PLPPR5: variants seen among roughly 807,000 people sequenced by gnomAD.
The protein encoded by PLPPR5 is phospholipid phosphatase-related protein type 5.
PLPPR5 carries 16 observed loss-of-function variants against 33.9 expected under a neutral mutation model. The ratio of observed to expected loss-of-function variants is 0.47; its 90% confidence interval spans 0.32 to 0.72. The LOEUF is 0.72. Ranked by LOEUF, PLPPR5 falls within the 30% of genes least tolerant of loss-of-function variation. PLPPR5 has a pLI of 0.03. For missense variants in PLPPR5, 301 were observed against 406.7 expected (o/e 0.74, Z 2.23); for synonymous variants, 163 against 150.3 (o/e 1.08, Z -0.62).
intron 4 of PLPPR5, among the ~76,000 whole-genome samples, chr1:98,915,285 G>A (rs1649302324): frequency 6.6e-6 from 1 of 151,914 alleles, no homozygotes; most frequent in Non-Finnish European, 1.5e-5. Context: ...TCCTAATATG[G>A]CTATTCTACA....
chr1:98,985,429 A>G (rs1167087348), intron 1 of PLPPR5, among the ~76,000 whole-genome samples: 3 of 152,062 alleles, frequency 2.0e-5, no homozygotes, highest in African/African-American at 7.2e-5. Context: ...AAAATTCCTT[A>G]GTGATATTAT....
intron 1 of PLPPR5, among the ~76,000 whole-genome samples, chr1:98,989,238 T>C (rs1024284317): frequency 6.6e-6 from 1 of 152,128 alleles, no homozygotes; most frequent in Admixed American, 6.6e-5. Flanking sequence ...TTTTAGTTGG[T>C]TTGGTTCATG....
intron 1 of PLPPR5, among the ~76,000 whole-genome samples, chr1:98,979,841 A>C (rs1651993875): frequency 6.6e-6 from 1 of 151,974 alleles, no homozygotes; most frequent in African/African-American, 2.4e-5. Context: ...CAAATTCACC[A>C]CATCTTTGCT....
chr1:98,965,374 C>T (rs1235283045), intron 1 of PLPPR5, among the ~76,000 whole-genome samples: 3 of 140,342 alleles, frequency 2.1e-5, no homozygotes, highest in Middle Eastern at 4.0e-3. Context: ...TGAAGCTCCT[C>T]GAATCTTGCC....
chr1:98,958,189 G>A (rs1651088089), intron 1 of PLPPR5, among the ~76,000 whole-genome samples: 1 of 152,142 alleles, frequency 6.6e-6, no homozygotes, highest in Non-Finnish European at 1.5e-5. Context: ...TGCTATACAG[G>A]GAGTCCCTGA....
chr1:98,956,814 A>T, intron 1 of PLPPR5, 73 bp from the exon 2 acceptor site: 1 of 1,186,444 alleles, frequency 8.4e-7, no homozygotes, highest in Non-Finnish European at 1.1e-6. Flanking sequence ...TTATTTTAAA[A>T]ATGTAAAATG....
chr1:98,939,959 G>A (rs761372201), intron 3 of PLPPR5, among the ~76,000 whole-genome samples: 3 of 151,850 alleles, frequency 2.0e-5, no homozygotes, highest in South Asian at 2.1e-4. Context: ...TAATTTTGAC[G>A]GGTGATTATG....
intron 2 of PLPPR5, among the ~76,000 whole-genome samples, chr1:98,955,069 C>G (rs1401697706): frequency 6.6e-6 from 1 of 151,882 alleles, no homozygotes; most frequent in African/African-American, 2.4e-5. Context: ...CTACACTTAC[C>G]TAAAGTGCTT....
chr1:99,003,859 T>C (rs1313932585), intron 1 of PLPPR5, among the ~76,000 whole-genome samples: 1 of 152,220 alleles, frequency 6.6e-6, no homozygotes, highest in Non-Finnish European at 1.5e-5. Flanking sequence ...CCTCTTCATT[T>C]AGAAATTCTC....
chr1:98,984,847 T>A (rs1414135250), intron 1 of PLPPR5, among the ~76,000 whole-genome samples: 4 of 152,100 alleles, frequency 2.6e-5, no homozygotes, highest in Non-Finnish European at 2.9e-5. Context: ...TTTGATCTAT[T>A]TGTTAATAGG....
intron 4 of PLPPR5, 21 bp downstream of exon 4, chr1:98,921,861 T>G: frequency 6.3e-7 from 1 of 1,582,644 alleles, no homozygotes; most frequent in African/African-American, 1.4e-5. Flanking sequence ...CCCAATGATA[T>G]ATAAATAAAT....
At chr1:98,973,952 C>T (rs897465635) in intron 1 of PLPPR5, among the ~76,000 whole-genome samples, 1 of 151,762 alleles carries the variant, frequency 6.6e-6, no homozygotes, top group African/African-American at 2.4e-5. Flanking sequence ...AAAAAGGCAG[C>T]GGAGACTGGA....
chr1:98,992,359 T>C (rs1047146712), intron 1 of PLPPR5, among the ~76,000 whole-genome samples: 5 of 152,160 alleles, frequency 3.3e-5, no homozygotes, highest in African/African-American at 1.2e-4. Context: ...AATATAAATA[T>C]ATAAATGTCT....
At position 98,914,380 on chromosome 1, in the gene PLPPR5, G is replaced by T. The variant is rs112363938; in HGVS notation, c.933+406C>A. The stretch of plus-strand genomic sequence containing the variant: ...GGCTCATTGCAACCTTTTCCTCCAG[G>T]TTCAAGTGATTCTGGTGCCTCAGCC... On this transcript the variant is annotated intron_variant, in intron 5 of 5. Coordinates refer to ENST00000263177, the MANE Select transcript of PLPPR5 (RefSeq NM_001037317.2). Among the ~76,000 whole-genome samples, 613 of 152,228 alleles carry T rather than the reference G, an allele frequency of 4.0e-3. 4 individuals are homozygous for T. Among genetic ancestry groups the T allele is most frequent in the African/African-American group, 0.014 (586 of 41,562 alleles).
chr1:98,935,127 A>T (rs1234637272), intron 3 of PLPPR5, among the ~76,000 whole-genome samples: 1 of 152,146 alleles, frequency 6.6e-6, no homozygotes, highest in Non-Finnish European at 1.5e-5. Context: ...TGCAAAATGA[A>T]AATGAATGAC....
At chr1:98,899,608 T>G (rs1222785828) in intron 5 of PLPPR5, among the ~76,000 whole-genome samples, 1 of 151,836 alleles carries the variant, frequency 6.6e-6, no homozygotes, top group African/African-American at 2.4e-5. Context: ...AGTTACACAA[T>G]GCATAAAAGT....
rs11808083 is a variant in PLPPR5, at chr1:98,990,617, A to C, written c.237+13818T>G. Among the ~76,000 whole-genome samples, 400 of 152,314 alleles carry C rather than the reference A, an allele frequency of 2.6e-3. 1 individual carries two copies. The highest frequency in any genetic ancestry group is 9.2e-3 in the African/African-American group (382 of 41,586). On this transcript the variant is annotated intron_variant, in intron 1 of 5. Coordinates refer to ENST00000263177, the MANE Select transcript of PLPPR5 (RefSeq NM_001037317.2). ...AGATTTATTTTGGACTGTCTTATACAGCTTTGATTAAACAAAAAATGAAAT... is the reference window on the plus strand; with the variant it reads ...AGATTTATTTTGGACTGTCTTATACCGCTTTGATTAAACAAAAAATGAAAT...
chr1:98,992,565 T>C (rs1159040035), intron 1 of PLPPR5, among the ~76,000 whole-genome samples: 1 of 152,156 alleles, frequency 6.6e-6, no homozygotes, highest in Non-Finnish European at 1.5e-5. Context: ...TATCCACTTG[T>C]AGCAAGTTTC....
chr1:98,982,032 C>G (rs1557692463), intron 1 of PLPPR5, among the ~76,000 whole-genome samples: 1 of 151,970 alleles, frequency 6.6e-6, no homozygotes, highest in Non-Finnish European at 1.5e-5. Context: ...AAAAATAGTT[C>G]CATGTATTGA....
Sources: allele counts gnomAD v4.1 joint callset (sites outside exome capture counted in the v4.1 genomes callset), GRCh38; gene constraint gnomAD v4.1.1; transcripts MANE v1.5; gene names NCBI Gene and HGNC (gene_info 2026-07-23, HGNC 2026-07-21).